Variants in PATJ observed in about 807,000 individuals in gnomAD.
PATJ encodes the protein inaD-like protein.
A neutral mutation model predicts 224.9 loss-of-function variants in PATJ; 190 were observed. That is an observed-to-expected ratio of 0.84 (90% CI 0.75 to 0.95). The LOEUF (loss-of-function observed/expected upper bound fraction) is 0.95. Ranked by LOEUF, PATJ falls within the 40% of genes least tolerant of loss-of-function variation. The pLI is 0.00. For synonymous variants in PATJ, 769 were observed against 820.3 expected, an observed-to-expected ratio of 0.94 and a Z score of 1.07; for missense variants, 2,121 against 2,270.3, an observed-to-expected ratio of 0.93 and a Z score of 1.34.
chr1:62,123,720 A>G (rs9660599), intron 39 of PATJ, among the ~76,000 whole-genome samples: 11,070 of 128,792 alleles, frequency 0.086, 1,481 homozygotes, highest in East Asian at 0.62. Flanking sequence ...CTCGTGATCC[A>G]CCTGCCTTGG....
intron 27 of PATJ, among the ~76,000 whole-genome samples, chr1:61,939,724 G>T (rs907625998): frequency 6.3e-5 from 8 of 126,628 alleles, no homozygotes; most frequent in Non-Finnish European, 1.2e-4. Flanking sequence ...GCCCATGCTG[G>T]ACTGCAGTGG....
At chr1:62,050,842 T>C in intron 30 of PATJ, 124 bp from the exon 31 acceptor site, 1 of 705,638 alleles carries the variant, frequency 1.4e-6, no homozygotes, top group South Asian at 1.9e-5. Context: ...AGAAAATACT[T>C]CCTCAGAGGA....
At chr1:61,976,258 A>C (rs1644124459) in intron 27 of PATJ, among the ~76,000 whole-genome samples, 1 of 152,084 alleles carries the variant, frequency 6.6e-6, no homozygotes, top group Non-Finnish European at 1.5e-5. Flanking sequence ...CAGGATTTGA[A>C]GTGAGACAGA....
At chr1:62,008,523 A>G (rs1646232971) in intron 28 of PATJ, among the ~76,000 whole-genome samples, 7 of 152,178 alleles carry the variant, frequency 4.6e-5, no homozygotes, top group Admixed American at 4.6e-4. Context: ...TTGAGAGGCC[A>G]GGGCAAGTGG....
chr1:61,845,273 G>A (rs1175021265), intron 17 of PATJ, among the ~76,000 whole-genome samples: 1 of 152,200 alleles, frequency 6.6e-6, no homozygotes, highest in South Asian at 2.1e-4. Context: ...AGGTTAAGGA[G>A]TTCACTCATG....
At chr1:62,131,196 T>C (rs1447080784) in intron 41 of PATJ, among the ~76,000 whole-genome samples, 2 of 152,190 alleles carry the variant, frequency 1.3e-5, no homozygotes, top group Non-Finnish European at 2.9e-5. Context: ...TCACTTTCAG[T>C]GGAAACCTAC....
intron 33 of PATJ, among the ~76,000 whole-genome samples, chr1:62,102,885 AGAAT>A: frequency 6.8e-6 from 1 of 147,700 alleles, no homozygotes. Context: ...AAAAAAAAAA[AGAAT>A]AACAAATGAG....
At chr1:61,923,530 A>G (rs1674642228) in intron 26 of PATJ, among the ~76,000 whole-genome samples, 1 of 152,180 alleles carries the variant, frequency 6.6e-6, no homozygotes, top group Admixed American at 6.5e-5. Context: ...TATAAAAGCA[A>G]GACATGTTCT....
chr1:61,791,923 C>A (rs893572928), intron 9 of PATJ, among the ~76,000 whole-genome samples: 1 of 152,052 alleles, frequency 6.6e-6, no homozygotes, highest in Non-Finnish European at 1.5e-5. Flanking sequence ...GTACACAATT[C>A]AAGTATCCCT....
At chr1:61,828,243 C>CAA (rs1269784220) in intron 16 of PATJ, among the ~76,000 whole-genome samples, 6 of 90,024 alleles carry the variant, frequency 6.7e-5, no homozygotes, top group Non-Finnish European at 4.5e-5. Context: ...AACTCCATCT[C>CAA]AAAAAAAAAA....
intron 9 of PATJ, among the ~76,000 whole-genome samples, chr1:61,795,100 A>T (rs376046274): frequency 2.2e-4 from 9 of 40,336 alleles, no homozygotes; most frequent in Non-Finnish European, 4.7e-4. Context: ...TAGTGATGGT[A>T]AAAAAAAAAA....
chr1:61,974,798 A>G (rs568129618), intron 27 of PATJ, among the ~76,000 whole-genome samples: 6 of 152,068 alleles, frequency 3.9e-5, no homozygotes, highest in Non-Finnish European at 7.3e-5. Flanking sequence ...GGCTTAATTC[A>G]TGAGGAGTTT....
chr1:61,800,204 T>G (rs1251217748), intron 11 of PATJ, among the ~76,000 whole-genome samples: 1 of 152,224 alleles, frequency 6.6e-6, no homozygotes, highest in African/African-American at 2.4e-5. Flanking sequence ...TGTACTAATT[T>G]ACATCCCCAC....
chr1:61,872,961 G>A (rs892800377), intron 20 of PATJ, among the ~76,000 whole-genome samples: 7 of 152,016 alleles, frequency 4.6e-5, no homozygotes, highest in South Asian at 4.2e-4. Flanking sequence ...TTTGTATATC[G>A]GCTTATGAAT....
At chr1:61,846,719 C>T (rs181660117) in intron 17 of PATJ, among the ~76,000 whole-genome samples, 97 of 152,262 alleles carry the variant, frequency 6.4e-4, no homozygotes, top group African/African-American at 2.0e-3. Context: ...GCCTCAGCCT[C>T]GCGAGTAGCT....
Position 61,769,287 on chromosome 1 carries a change from G to T in PATJ, c.389G>T (p.Arg130Leu). The change falls in exon 5 of 44, where the codon CGG becomes CTG. Residue 130 changes from arginine (R) to leucine (L), a missense_variant. Arg to Leu is a moderately radical substitution (Grantham distance 102). Coordinates refer to ENST00000642238, the MANE Select transcript of PATJ (RefSeq NM_001350145.3). Reference sequence around the variant, plus strand: ...TTTTTAACGCTCCTTCATTAGGGCCGGCAAATTGAATATATAGATATAGAA... The same window carrying T: ...TTTTTAACGCTCCTTCATTAGGGCCTGCAAATTGAATATATAGATATAGAA... Reference protein sequence around the residue: ...NSVIQQMAQGRQIEYIDIERP... With the variant: ...NSVIQQMAQGLQIEYIDIERP... The T allele has an allele frequency of 6.2e-7, 1 of 1,602,030 alleles. No homozygotes were observed.
intron 14 of PATJ, among the ~76,000 whole-genome samples, chr1:61,816,230 T>C (rs1656078840): frequency 6.6e-6 from 1 of 152,194 alleles, no homozygotes; most frequent in African/African-American, 2.4e-5. Flanking sequence ...GATGTTACTG[T>C]TCAGTTACCA....
At chr1:62,075,746 G>A (rs1263852541) in intron 31 of PATJ, among the ~76,000 whole-genome samples, 1 of 151,824 alleles carries the variant, frequency 6.6e-6, no homozygotes, top group African/African-American at 2.4e-5. Flanking sequence ...GTGAAACCCC[G>A]TCTCTACTAA....
chr1:62,027,628 CTTTT>C lies in PATJ; in HGVS notation c.3959+9701_3959+9704del, dbSNP rs57019359. Among the ~76,000 whole-genome samples the C allele has an allele frequency of 3.4e-3, 372 of 109,814 alleles. 2 individuals carry two copies. The highest frequency in any genetic ancestry group is 9.9e-3 in the African/African-American group (252 of 25,454). The allele number at this position is 109,814 out of a possible 152,430, so 72.0% of individuals were successfully genotyped here. A position where few individuals can be genotyped will look rare whatever the true frequency, so the allele number is the denominator to read the frequency against. On this transcript the variant is annotated intron_variant, in intron 29 of 43. Coordinates refer to ENST00000642238, the MANE Select transcript of PATJ (RefSeq NM_001350145.3). ...TTTCTTCATAACCTTGCCAACATTC[CTTTT>C]TTTTTTTTTTTTTTTTTTTGGATAG...
Sources: allele counts gnomAD v4.1 joint callset (sites outside exome capture counted in the v4.1 genomes callset), GRCh38; gene constraint gnomAD v4.1.1; transcripts MANE v1.5; gene names NCBI Gene and HGNC (gene_info 2026-07-23, HGNC 2026-07-21).